Variants in CENPC observed in about 807,000 individuals in gnomAD.
The protein encoded by CENPC is CENP-C 1.
A neutral mutation model predicts 112.1 loss-of-function variants in CENPC; 63 were observed. That is an observed-to-expected ratio of 0.56 (90% CI 0.46 to 0.69). The LOEUF is 0.69. Among genes scored for constraint, CENPC ranks in the 30% least tolerant of loss-of-function variants. The probability of loss-of-function intolerance (pLI) is 0.00; values close to 1 mark genes in which losing one functional copy is unlikely to be tolerated. For missense variants in CENPC, 1,000 were observed against 1,103.8 expected, an observed-to-expected ratio of 0.91 and a Z score of 1.33; for synonymous variants, 333 against 367.6, an observed-to-expected ratio of 0.91 and a Z score of 1.08.
chr4:67,475,164 T>C (rs904754801), intron 17 of CENPC, among the ~76,000 whole-genome samples, 186 bp from the exon 18 acceptor site: 9 of 152,176 alleles, frequency 5.9e-5, no homozygotes, highest in Admixed American at 4.6e-4. Context: ...TCTTTGATAA[T>C]GTAGGTAGGC....
chr4:67,491,276 C>A (rs1725250398), intron 16 of CENPC, among the ~76,000 whole-genome samples: 1 of 150,260 alleles, frequency 6.7e-6, no homozygotes, highest in African/African-American at 2.4e-5. Flanking sequence ...CAGACTCAAG[C>A]AATTCTCCTG....
At chr4:67,484,797 T>C (rs543072870) in intron 17 of CENPC, among the ~76,000 whole-genome samples, 28 of 152,306 alleles carry the variant, frequency 1.8e-4, no homozygotes, top group Non-Finnish European at 4.1e-4. Context: ...ACCTACACTA[T>C]AAAGATTATC....
At chr4:67,522,132 AG>A (rs1726246153) in intron 5 of CENPC, among the ~76,000 whole-genome samples, 1 of 152,232 alleles carries the variant, frequency 6.6e-6, no homozygotes, top group African/African-American at 2.4e-5. Flanking sequence ...AAAAGAGCAA[AG>A]GAAGTGACGT....
rs1724635683 is a variant in CENPC at position 67,470,662 on chromosome 4, C to T, written c.*1943G>A. 1 of 151,968 alleles carries T rather than the reference C, an allele frequency of 6.6e-6. No individual in the cohort carries two copies. Among genetic ancestry groups the T allele is most frequent in the Admixed American group, 6.5e-5 (1 of 15,270 alleles). 9.4% of individuals were successfully genotyped at this position (151,968 alleles called of 1,614,324 possible). A position where few individuals can be genotyped will look rare whatever the true frequency, so the allele number is the denominator to read the frequency against. ...GAAAAGAACTGTTGGAATCTGTGGCCTCCTTGAGTGAGGTCTCACCCACCC... is the reference window on the plus strand; with the variant it reads ...GAAAAGAACTGTTGGAATCTGTGGCTTCCTTGAGTGAGGTCTCACCCACCC... On this transcript the variant is annotated 3_prime_UTR_variant, in exon 19 of 19. Coordinates refer to ENST00000273853, the MANE Select transcript of CENPC (RefSeq NM_001812.4).
chr4:67,537,408 T>C (rs1227544707), intron 4 of CENPC, among the ~76,000 whole-genome samples: 2 of 152,126 alleles, frequency 1.3e-5, no homozygotes, highest in Non-Finnish European at 2.9e-5. Flanking sequence ...GTAATCCCAA[T>C]GCTTTGGGAA....
Position 67,470,284 on chromosome 4 carries a change from A to AT in CENPC, c.*2320_*2321insA, listed in dbSNP as rs1724620051. ...TTCAGTTTAGACAAAGAAAGGCTAC[A>AT]CTTAAGCTGGGCACAGTGGCTCACA... On this transcript the variant is annotated 3_prime_UTR_variant, in exon 19 of 19. Transcript: ENST00000273853. 1 of 152,208 alleles carries AT rather than the reference A, an allele frequency of 6.6e-6. No homozygotes were observed. The highest frequency in any genetic ancestry group is 1.5e-5 in the Non-Finnish European group (1 of 68,130). The allele number at this position is 152,208 out of a possible 1,614,324, so 9.4% of individuals were successfully genotyped here.
At position 67,545,488 on chromosome 4, in the gene CENPC, G is replaced by T; in HGVS notation, c.-133C>A. The T allele has an allele frequency of 4.5e-6, 4 of 879,250 alleles. No individual in the cohort carries two copies. Among genetic ancestry groups the T allele is most frequent in the South Asian group, 2.7e-5 (1 of 37,636 alleles). 54.5% of individuals were successfully genotyped at this position (879,250 alleles called of 1,614,324 possible). On this transcript the variant is annotated 5_prime_UTR_variant, in exon 1 of 19. Transcript: ENST00000273853. ...CAAGCAATAACCTTAAGTCTCAGGC[G>T]ACTGCCGCGAGAGCTGCGATCCGGA...
rs776953842 is a variant in CENPC, at chr4:67,514,537, C to T, written c.981G>A (p.Leu327=). ...WITIPRKAGS[L]KQRTISPAES... ...CAGCCGGGGATATTGTGCGTTGTTT[C>T]AGAGACCCTGCCTTTCTTGGTATTG... Residue 327 remains leucine (L), a synonymous_variant, in exon 8 of 19, where the codon CTG becomes CTA. Transcript: ENST00000273853. 1.2e-6 allele frequency: 2 copies of T among 1,612,520 alleles called. No individual in the cohort carries two copies. Among genetic ancestry groups the T allele is most frequent in the South Asian group, 2.2e-5 (2 of 90,906 alleles).
chr4:67,534,000 T>C (rs1039271835), intron 4 of CENPC, among the ~76,000 whole-genome samples: 6 of 152,020 alleles, frequency 3.9e-5, no homozygotes, highest in African/African-American at 1.5e-4. Flanking sequence ...AGCATGCCAC[T>C]GCACTCCAGC....
At chr4:67,517,157 A>G (rs1002566159) in intron 7 of CENPC, among the ~76,000 whole-genome samples, 1 of 151,780 alleles carries the variant, frequency 6.6e-6, no homozygotes, top group South Asian at 2.1e-4. Context: ...ACATGTTTTT[A>G]TAAAAACTTC....
At chr4:67,487,094 C>T (rs1398583093) in intron 17 of CENPC, among the ~76,000 whole-genome samples, 1 of 151,652 alleles carries the variant, frequency 6.6e-6, no homozygotes, top group East Asian at 1.9e-4. Flanking sequence ...CTGTCAGCCA[C>T]TGAGCCTTGA....
intron 10 of CENPC, 56 bp downstream of exon 10, chr4:67,508,758 A>AATT: frequency 6.6e-7 from 1 of 1,525,094 alleles, no homozygotes; most frequent in Non-Finnish European, 8.9e-7. Flanking sequence ...AAATAGCACA[A>AATT]ATTATTAAAT....
At chr4:67,525,067 G>A (rs1036789961) in intron 5 of CENPC, among the ~76,000 whole-genome samples, 3 of 152,132 alleles carry the variant, frequency 2.0e-5, no homozygotes, top group African/African-American at 7.2e-5. Context: ...ACAAAAACAA[G>A]CAATGAGGAA....
At chr4:67,529,921 G>T (rs1480181024) in intron 5 of CENPC, among the ~76,000 whole-genome samples, 1 of 152,032 alleles carries the variant, frequency 6.6e-6, no homozygotes, top group Admixed American at 6.5e-5. Flanking sequence ...TCAAAAGTAT[G>T]TTGAATGTTA....
chr4:67,473,575 CAG>C (rs1460396004), intron 18 of CENPC, among the ~76,000 whole-genome samples: 2 of 151,964 alleles, frequency 1.3e-5, no homozygotes, highest in Non-Finnish European at 2.9e-5. Flanking sequence ...GTTTTTGAGA[CAG>C]AGTCTTGCTC....
rs1282117365 is a variant in CENPC, at chr4:67,545,329, T to C, written c.18+9A>G. ...AACCACTCGCCTGGAGCGGGGGGCCTGCACTTACCAGACCGGACGCAGCCA... is the reference window on the plus strand; with the variant it reads ...AACCACTCGCCTGGAGCGGGGGGCCCGCACTTACCAGACCGGACGCAGCCA... On this transcript the variant is annotated intron_variant, in intron 1 of 18. Transcript: ENST00000273853. The C allele has an allele frequency of 3.3e-6, 5 of 1,505,280 alleles. No individual in the cohort carries two copies. The highest frequency in any genetic ancestry group is 4.5e-6 in the Non-Finnish European group (5 of 1,121,918). 93.2% of individuals were successfully genotyped at this position (1,505,280 alleles called of 1,614,324 possible).
At chr4:67,489,524 T>C (rs1725182684) in intron 17 of CENPC, among the ~76,000 whole-genome samples, 1 of 152,072 alleles carries the variant, frequency 6.6e-6, no homozygotes, top group Non-Finnish European at 1.5e-5. Context: ...TTTTACATGG[T>C]ACATGTCACA....
chr4:67,541,273 A>T (rs1281259785), intron 2 of CENPC, among the ~76,000 whole-genome samples: 1 of 152,170 alleles, frequency 6.6e-6, no homozygotes, highest in African/African-American at 2.4e-5. Context: ...CTTAACAATT[A>T]ATATTTCTTA....
intron 4 of CENPC, among the ~76,000 whole-genome samples, chr4:67,534,874 AAAGT>A (rs1726670143): frequency 3.3e-5 from 5 of 152,324 alleles, no homozygotes; most frequent in African/African-American, 1.2e-4. Context: ...GGTAATGAGC[AAAGT>A]AAGTAAAAAA....
Sources: allele counts gnomAD v4.1 joint callset (sites outside exome capture counted in the v4.1 genomes callset), GRCh38; gene constraint gnomAD v4.1.1; transcripts MANE v1.5; gene names NCBI Gene and HGNC (gene_info 2026-07-23, HGNC 2026-07-21).